The following ZEB1 variants were observed in gnomAD, a reference collection of about 807,000 sequenced individuals.
ZEB1 encodes the protein zinc finger E-box-binding homeobox 1.
Under a neutral mutation model 84.9 loss-of-function variants are expected in ZEB1, and 21 were observed. The ratio of observed to expected loss-of-function variants is 0.25; its 90% CI spans 0.18 to 0.36. The LOEUF (loss-of-function observed/expected upper bound fraction) is 0.36. Ranked by LOEUF, ZEB1 falls within the 10% of genes least tolerant of loss-of-function variation. The probability of loss-of-function intolerance (pLI) is 1.00; values close to 1 mark genes in which losing one functional copy is unlikely to be tolerated. For synonymous variants in ZEB1, 420 were observed against 471.1 expected (o/e 0.89, Z 1.41); for missense variants, 1,104 against 1,330.2 (o/e 0.83, Z 2.65).
intron 1 of ZEB1, among the ~76,000 whole-genome samples, chr10:31,353,654 A>G (rs545562025): frequency 1.1e-4 from 17 of 152,348 alleles, no homozygotes; most frequent in East Asian, 3.9e-4. Flanking sequence ...TAATTTTCCA[A>G]TGATCATTTC....
chr10:31,399,673 TA>T (rs2051540671), intron 1 of ZEB1, among the ~76,000 whole-genome samples: 1 of 152,202 alleles, frequency 6.6e-6, no homozygotes, highest in Non-Finnish European at 1.5e-5. Flanking sequence ...GCAGGTAAAG[TA>T]GTTATATTTA....
chr10:31,329,787 C>T (rs2036372181), intron 1 of ZEB1, among the ~76,000 whole-genome samples: 1 of 152,072 alleles, frequency 6.6e-6, no homozygotes, highest in Non-Finnish European at 1.5e-5. Context: ...TTGGATTTCA[C>T]CGGTGACTAA....
intron 1 of ZEB1, chr10:31,387,871 A>G (rs1352864918): frequency 3.4e-6 from 2 of 587,986 alleles, no homozygotes; most frequent in Admixed American, 1.3e-4. Flanking sequence ...AAAATTACTT[A>G]AAATTGGCAA....
At chr10:31,461,268 T>G in intron 2 of ZEB1, 31 bp downstream of exon 2, 1 of 1,566,882 alleles carries the variant, frequency 6.4e-7, no homozygotes, top group Non-Finnish European at 8.7e-7. Flanking sequence ...TAATATTGTA[T>G]TCTCATGATT....
intron 1 of ZEB1, among the ~76,000 whole-genome samples, chr10:31,382,760 C>T (rs1421288351): frequency 1.3e-5 from 2 of 151,836 alleles, no homozygotes; most frequent in Non-Finnish European, 2.9e-5. Context: ...GTGGAAACTA[C>T]ATTAAAAATT....
chr10:31,395,401 GAAAGGCATTGGTGAAATGCCTTCATACTT>G (rs1320908866), intron 1 of ZEB1, among the ~76,000 whole-genome samples: 1 of 152,116 alleles, frequency 6.6e-6, no homozygotes, highest in African/African-American at 2.4e-5. Context: ...TATATGATAT[GAAAGGCATTGGTGAAATGCCTTCATACTT>G]AAAGGCATTG....
intron 3 of ZEB1, among the ~76,000 whole-genome samples, chr10:31,500,298 A>G (rs1390803683): frequency 3.3e-5 from 5 of 152,098 alleles, no homozygotes. Context: ...TTTTTGTTCT[A>G]CCTAATGACA....
chr10:31,377,197 C>A (rs1255417348), intron 1 of ZEB1, among the ~76,000 whole-genome samples: 1 of 147,114 alleles, frequency 6.8e-6, no homozygotes, highest in Non-Finnish European at 1.5e-5. Context: ...ACAATTAGTT[C>A]TAATGTAACC....
At chr10:31,347,679 G>A (rs184399167) in intron 1 of ZEB1, among the ~76,000 whole-genome samples, 232 of 151,932 alleles carry the variant, frequency 1.5e-3, no homozygotes, top group African/African-American at 5.0e-3. Context: ...TGGAAATAGC[G>A]TCTCCCCTTA....
intron 1 of ZEB1, among the ~76,000 whole-genome samples, chr10:31,334,673 A>G (rs2037618421): frequency 6.6e-6 from 1 of 152,094 alleles, no homozygotes; most frequent in African/African-American, 2.4e-5. Context: ...TTAGCAAACC[A>G]CTGGCAAGAT....
intron 2 of ZEB1, among the ~76,000 whole-genome samples, chr10:31,490,069 C>T (rs947144540): frequency 4.6e-5 from 7 of 151,086 alleles, no homozygotes; most frequent in Admixed American, 4.0e-4. Context: ...TCCATTGATC[C>T]CCTATAATTA....
intron 1 of ZEB1, among the ~76,000 whole-genome samples, chr10:31,434,755 A>G (rs922243886): frequency 1.3e-5 from 2 of 152,220 alleles, no homozygotes; most frequent in Non-Finnish European, 2.9e-5. Context: ...GTAGCGGAAT[A>G]AAAAATAATA....
At chr10:31,440,058 G>C (rs1564859432) in intron 1 of ZEB1, among the ~76,000 whole-genome samples, 1 of 152,188 alleles carries the variant, frequency 6.6e-6, no homozygotes, top group Non-Finnish European at 1.5e-5. Flanking sequence ...GTTAGTGGCA[G>C]GGAATTGGTA....
At chr10:31,474,978 G>T (rs373474222) in intron 2 of ZEB1, among the ~76,000 whole-genome samples, 3 of 148,954 alleles carry the variant, frequency 2.0e-5, no homozygotes, top group South Asian at 4.2e-4. Flanking sequence ...ATCAAACACC[G>T]CATATTCTCA....
intron 2 of ZEB1, among the ~76,000 whole-genome samples, chr10:31,466,408 G>C (rs914447833): frequency 6.6e-6 from 1 of 152,160 alleles, no homozygotes; most frequent in Non-Finnish European, 1.5e-5. Context: ...ATTATATCAA[G>C]TATGTTTTCT....
chr10:31,343,082 A>G (rs1182333782), intron 1 of ZEB1, among the ~76,000 whole-genome samples: 1 of 152,058 alleles, frequency 6.6e-6, no homozygotes, highest in African/African-American at 2.4e-5. Context: ...TGGCTAGTGG[A>G]TTGCATTTAT....
chr10:31,396,083 G>A (rs1281365298), intron 1 of ZEB1, among the ~76,000 whole-genome samples: 1 of 152,060 alleles, frequency 6.6e-6, no homozygotes, highest in Non-Finnish European at 1.5e-5. Context: ...GAGGTTTTTT[G>A]TTGTTGCACA....
intron 1 of ZEB1, among the ~76,000 whole-genome samples, chr10:31,413,007 A>G (rs1474609478): frequency 2.0e-5 from 3 of 152,218 alleles, no homozygotes; most frequent in African/African-American, 2.4e-5. Context: ...TTTAAATGCC[A>G]TAGAATCGAT....
intron 1 of ZEB1, among the ~76,000 whole-genome samples, chr10:31,458,604 C>T (rs1362213795): frequency 6.6e-6 from 1 of 151,838 alleles, no homozygotes; most frequent in African/African-American, 2.4e-5. Flanking sequence ...CTGAATAGAC[C>T]TCCTCAGATA....
Sources: allele counts gnomAD v4.1 joint callset (sites outside exome capture counted in the v4.1 genomes callset), GRCh38; gene constraint gnomAD v4.1.1; transcripts MANE v1.5; gene names NCBI Gene and HGNC (gene_info 2026-07-23, HGNC 2026-07-21).